The following CCND3 variants were observed in gnomAD, a reference collection of about 807,000 sequenced individuals.
CCND3 encodes the protein G1/S-specific cyclin-D3.
Under a neutral mutation model 28.7 loss-of-function variants are expected in CCND3, and 9 were observed. That is an observed-to-expected ratio of 0.31 (90% CI 0.19 to 0.55). The LOEUF (loss-of-function observed/expected upper bound fraction) is 0.55, where lower values mean the gene tolerates loss of function less well. Among genes scored for constraint, CCND3 ranks in the 20% least tolerant of loss-of-function variants. The pLI is 0.93. For synonymous variants in CCND3, 164 were observed against 163.9 expected (o/e 1.00, Z 0.00); for missense variants, 315 against 385.8 (o/e 0.82, Z 1.54).
rs1764636973 is a variant in CCND3 at position 42,048,967 on chromosome 6, C to T, written c.-512G>A. The T allele has an allele frequency of 5.1e-6, 1 of 197,950 alleles. No individual in the cohort carries two copies. Among genetic ancestry groups the T allele is most frequent in the Non-Finnish European group, 1.0e-5 (1 of 99,510 alleles). 12.3% of individuals were successfully genotyped at this position (197,950 alleles called of 1,614,324 possible). ...GGCAGCACGGGTTCCCGGACCGCTG[C>T]CTCCCGGCGTTGGCAACTCCTCCAC... On this transcript the variant is annotated 5_prime_UTR_variant, in exon 1 of 5. Transcript: ENST00000372988. This position sits in a 1 kb window ranked among gnomAD's most constrained non-coding sequence, Gnocchi z 4.7.
chr6:42,028,244 C>T (rs1763939448), intron 1 of CCND3, among the ~76,000 whole-genome samples: 1 of 151,908 alleles, frequency 6.6e-6, no homozygotes, highest in African/African-American at 2.4e-5. Flanking sequence ...TGGAGGGTGG[C>T]CAGGGAAGGA....
At chr6:42,000,965 G>A (rs182158880) in intron 1 of CCND3, among the ~76,000 whole-genome samples, 8 of 151,818 alleles carry the variant, frequency 5.3e-5, no homozygotes, top group South Asian at 4.2e-4. Flanking sequence ...GGTCAGGCAC[G>A]GTGGCTCACG....
intron 1 of CCND3, among the ~76,000 whole-genome samples, chr6:42,030,519 C>A (rs1466921261): frequency 6.6e-6 from 1 of 152,086 alleles, no homozygotes; most frequent in Middle Eastern, 3.2e-3. Context: ...GGACTGTGGG[C>A]TCCTGGAGGG....
chr6:42,015,850 C>T (rs186396585), intron 1 of CCND3, among the ~76,000 whole-genome samples: 278 of 152,182 alleles, frequency 1.8e-3, no homozygotes, highest in African/African-American at 5.9e-3. Flanking sequence ...CATTGCCTCA[C>T]ATTTTTTTGT....
chr6:41,981,819 C>T (rs1269679649), intron 1 of CCND3, among the ~76,000 whole-genome samples: 2 of 151,868 alleles, frequency 1.3e-5, no homozygotes, highest in East Asian at 2.0e-4. Flanking sequence ...CCACTGTGCC[C>T]AGCCAAGGAT....
chr6:41,986,816 G>C (rs549310521), intron 1 of CCND3, among the ~76,000 whole-genome samples: 1 of 152,092 alleles, frequency 6.6e-6, no homozygotes, highest in South Asian at 2.1e-4. Flanking sequence ...GAAGTGGTGA[G>C]AATGGGCATC....
intron 1 of CCND3, among the ~76,000 whole-genome samples, chr6:42,009,882 A>G (rs1379912024): frequency 6.6e-6 from 1 of 152,156 alleles, no homozygotes; most frequent in East Asian, 1.9e-4. Flanking sequence ...CTATACCAGT[A>G]GAAGCAGCAT....
chr6:41,999,814 C>T (rs926195467), intron 1 of CCND3, among the ~76,000 whole-genome samples: 1 of 152,126 alleles, frequency 6.6e-6, no homozygotes, highest in Non-Finnish European at 1.5e-5. Flanking sequence ...TTCTTCGAGC[C>T]TAGAAGTTTG....
At chr6:41,951,569 C>G (rs62417364) in intron 1 of CCND3, among the ~76,000 whole-genome samples, 1 of 76,794 alleles carries the variant, frequency 1.3e-5, no homozygotes, top group African/African-American at 5.1e-5. Flanking sequence ...CACACACACA[C>G]ACACACAAAA....
Position 41,987,477 on chromosome 6 carries a change from TTCTCTCTC to T in CCND3, c.-45-46900_-45-46893del, listed in dbSNP as rs71544258. On this transcript the variant is annotated intron_variant, in intron 1 of 4. Coordinates refer to the CCND3 transcript ENST00000372988. ...ACCACAACTCCCATGGACCAGGCTT[TTCTCTCTC>T]TCTCTCTCTCTCTCTCTCTCTCTCT... 1.7e-3 allele frequency among the ~76,000 whole-genome samples: 217 copies of T among 126,448 alleles called. 2 individuals are homozygous for T. Among genetic ancestry groups the T allele is most frequent in the African/African-American group, 5.9e-3 (202 of 34,442 alleles). 83.0% of individuals were successfully genotyped at this position (126,448 alleles called of 152,430 possible).
At chr6:41,954,289 A>G (rs1349862346) in intron 1 of CCND3, among the ~76,000 whole-genome samples, 1 of 127,450 alleles carries the variant, frequency 7.8e-6, no homozygotes, top group African/African-American at 3.0e-5. Flanking sequence ...GTGGTGGCTC[A>G]TACCTGTAAT....
chr6:42,044,833 G>T (rs1263610058), intron 1 of CCND3, among the ~76,000 whole-genome samples: 3 of 146,842 alleles, frequency 2.0e-5, no homozygotes, highest in African/African-American at 7.6e-5. Context: ...CTGTTGCCCA[G>T]GCTGGAGTGC....
chr6:41,937,540 CACCATGG>C, intron 2 of CCND3, 146 bp from the exon 3 acceptor site: 1 of 889,066 alleles, frequency 1.1e-6, no homozygotes, highest in East Asian at 2.6e-5. Context: ...TAAGGCCGGG[CACCATGG>C]AGTTCAAGGC....
At chr6:41,937,491 A>C (rs1775845087) in intron 2 of CCND3, 97 bp from the exon 3 acceptor site, 1 of 1,455,890 alleles carries the variant, frequency 6.9e-7, no homozygotes, top group Non-Finnish European at 9.4e-7. Context: ...AAGCCCATCA[A>C]ACTTTTAAAG....
At chr6:41,953,360 G>A (rs1312471701) in intron 1 of CCND3, among the ~76,000 whole-genome samples, 1 of 152,060 alleles carries the variant, frequency 6.6e-6, no homozygotes, top group African/African-American at 2.4e-5. Context: ...ACACAACTGG[G>A]CAAGTGCCTT....
intron 1 of CCND3, among the ~76,000 whole-genome samples, chr6:42,039,969 C>G (rs1413555110): frequency 6.6e-6 from 1 of 152,268 alleles, no homozygotes; most frequent in African/African-American, 2.4e-5. Context: ...CTGCATGTCA[C>G]GCACACAGGC....
intron 1 of CCND3, among the ~76,000 whole-genome samples, chr6:42,047,171 G>A (rs1214556313): frequency 1.3e-5 from 2 of 152,184 alleles, no homozygotes; most frequent in Non-Finnish European, 2.9e-5. Context: ...TTGGGACCAT[G>A]GAGGTCATGA....
At chr6:41,988,598 T>C (rs971917099) in intron 1 of CCND3, among the ~76,000 whole-genome samples, 2 of 152,196 alleles carry the variant, frequency 1.3e-5, no homozygotes, top group Non-Finnish European at 1.5e-5. Context: ...GCAGCTGGGC[T>C]AACATGGCCA....
At chr6:41,977,300 C>A (rs1247234237) in intron 1 of CCND3, among the ~76,000 whole-genome samples, 1 of 152,158 alleles carries the variant, frequency 6.6e-6, no homozygotes, top group African/African-American at 2.4e-5. Flanking sequence ...ATATATACTG[C>A]ATTTCATAAA....
Sources: gnomAD v4.1 joint callset for allele counts (sites outside exome capture counted in the v4.1 genomes callset) on GRCh38, gnomAD v4.1.1 for gene constraint, Gnocchi (gnomAD v3.1) non-coding constraint, MANE v1.5 for transcripts, NCBI Gene and HGNC (gene_info 2026-07-23, HGNC 2026-07-21) for gene names.